CCDC149: variants seen among roughly 807,000 people sequenced by gnomAD.
CCDC149 encodes coiled-coil domain-containing protein 149.
A neutral mutation model predicts 59.9 loss-of-function variants in CCDC149; 45 were observed. The ratio of observed to expected loss-of-function variants is 0.75; its 90% CI spans 0.59 to 0.96. CCDC149 has a LOEUF of 0.96. Ranked by LOEUF, CCDC149 falls within the 40% of genes least tolerant of loss-of-function variation. The pLI, the probability that CCDC149 is intolerant of heterozygous loss-of-function variation, is 0.00. For missense variants in CCDC149, 584 were observed against 664.7 expected (o/e 0.88, Z 1.33); for synonymous variants, 245 against 260.6 (o/e 0.94, Z 0.58).
intron 1 of CCDC149, chr4:24,980,000 G>C (rs1338997998): frequency 1.3e-5 from 2 of 152,158 alleles, no homozygotes; most frequent in East Asian, 3.8e-4. Context: ...TATATAATCT[G>C]TATATAATAT....
At chr4:24,895,908 A>G (rs1257123512) in intron 1 of CCDC149, among the ~76,000 whole-genome samples, 1 of 152,144 alleles carries the variant, frequency 6.6e-6, no homozygotes, top group Non-Finnish European at 1.5e-5. Context: ...GGAATCTAGA[A>G]CCAGACCCCA....
At chr4:24,900,111 T>C (rs1721080452) in intron 1 of CCDC149, among the ~76,000 whole-genome samples, 1 of 152,224 alleles carries the variant, frequency 6.6e-6, no homozygotes, top group African/African-American at 2.4e-5. Flanking sequence ...CTTATCACAA[T>C]GCATATCACA....
chr4:24,904,633 A>C (rs1721367483), intron 1 of CCDC149, among the ~76,000 whole-genome samples: 1 of 152,174 alleles, frequency 6.6e-6, no homozygotes, highest in Admixed American at 6.5e-5. Context: ...TGACTTTACT[A>C]CTTTACAGTT....
intron 1 of CCDC149, among the ~76,000 whole-genome samples, chr4:24,956,172 T>C (rs1723459999): frequency 6.6e-6 from 1 of 152,178 alleles, no homozygotes; most frequent in East Asian, 1.9e-4. Context: ...TTTCTCCTTT[T>C]GCTGCCTTAG....
chr4:24,804,486 C>CAAAA (rs397796144), downstream of CCDC149, among the ~76,000 whole-genome samples: 45 of 56,908 alleles, frequency 7.9e-4, no homozygotes, highest in Non-Finnish European at 1.1e-3. Context: ...GTGAGACTCT[C>CAAAA]AAAAAAAAAA....
chr4:24,866,900 C>A (rs1718738763), intron 3 of CCDC149, among the ~76,000 whole-genome samples: 1 of 151,580 alleles, frequency 6.6e-6, no homozygotes, highest in Non-Finnish European at 1.5e-5. Context: ...GTAAAAATTC[C>A]TAGCTCAATT....
chr4:24,837,359 C>T lies in CCDC149; in HGVS notation c.531G>A (p.Glu177=), dbSNP rs1289240755. The T allele has an allele frequency of 2.5e-6, 4 of 1,614,048 alleles. No homozygotes were observed. The highest frequency in any genetic ancestry group is 2.5e-6 in the Non-Finnish European group (3 of 1,180,034). The change falls in exon 6 of 13, where the codon GAG becomes GAA. Residue 177 remains glutamate (E), a synonymous_variant. Coordinates refer to ENST00000635206, the MANE Select transcript of CCDC149 (RefSeq NM_001330643.2). The surrounding 1 kb of genome is among the most constrained non-coding windows in gnomAD (Gnocchi z 4.3). ...ACCGTTCTTCTTTAACATCCTGAAG[C>T]TCGTCCACAGAAGCCTGCAGGTCGT...
intron 1 of CCDC149, among the ~76,000 whole-genome samples, chr4:24,909,247 G>A (rs556690758): frequency 2.0e-5 from 3 of 152,308 alleles, no homozygotes; most frequent in African/African-American, 7.2e-5. Context: ...AGGGGATCCA[G>A]GGTGGGAGAC....
At chr4:24,942,509 C>A (rs1008113805) in intron 1 of CCDC149, among the ~76,000 whole-genome samples, 24 of 152,312 alleles carry the variant, frequency 1.6e-4, no homozygotes, top group African/African-American at 5.5e-4. Context: ...CCCTCTCTCA[C>A]CACTCCTATT....
intron 1 of CCDC149, among the ~76,000 whole-genome samples, chr4:24,896,972 A>C (rs1720880225): frequency 6.6e-6 from 1 of 152,200 alleles, no homozygotes; most frequent in Non-Finnish European, 1.5e-5. Context: ...TATGCAGGAC[A>C]CTGTGCTGGT....
intron 1 of CCDC149, among the ~76,000 whole-genome samples, chr4:24,948,920 C>A (rs913401498): frequency 2.0e-5 from 3 of 152,196 alleles, no homozygotes; most frequent in African/African-American, 7.2e-5. Context: ...TCTTTGCCAT[C>A]CACTATGTAA....
In CCDC149 at chr4:24,871,556, A is replaced by C. The variant is rs528834614; in HGVS notation, c.264+2125T>G. On this transcript the variant is annotated intron_variant, in intron 3 of 12. Coordinates refer to ENST00000635206, the MANE Select transcript of CCDC149 (RefSeq NM_001330643.2). The stretch of plus-strand genomic sequence containing the variant: ...ATTTAGGGCATGTCAGTACAGAACA[A>C]CTATAAAGTTAAGGAAAGTTCTAAC... 6.6e-5 allele frequency among the ~76,000 whole-genome samples: 10 copies of C among 152,354 alleles called. No homozygotes were observed. The East Asian group carries it at 1.9e-3, about 29-fold the overall frequency.
Position 24,837,149 on chromosome 4 carries a change from G to T in CCDC149, c.662+79C>A. 1 of 1,355,666 alleles carries T rather than the reference G, an allele frequency of 7.4e-7. No homozygotes were observed. Among genetic ancestry groups the T allele is most frequent in the Non-Finnish European group, 1.0e-6 (1 of 986,976 alleles). The allele number at this position is 1,355,666 out of a possible 1,614,324, so 84.0% of individuals were successfully genotyped here. A position where few individuals can be genotyped will look rare whatever the true frequency, so the allele number is the denominator to read the frequency against. ...GGCAATTTTCTCCAAAATAAATAGG[G>T]CTGCAAATAACTCCCAGCCTGCAGG... On this transcript the variant is annotated intron_variant, in intron 6 of 12. Coordinates refer to ENST00000635206, the MANE Select transcript of CCDC149 (RefSeq NM_001330643.2). The surrounding 1 kb of genome is among the most constrained non-coding windows in gnomAD (Gnocchi z 4.3).
chr4:24,933,792 A>T (rs1298711597), intron 1 of CCDC149, among the ~76,000 whole-genome samples: 4 of 152,234 alleles, frequency 2.6e-5, no homozygotes, highest in Admixed American at 2.6e-4. Flanking sequence ...GTAACAAACT[A>T]TCCCAAAATG....
chr4:24,931,967 C>T (rs1444607387), intron 1 of CCDC149, among the ~76,000 whole-genome samples: 1 of 151,548 alleles, frequency 6.6e-6, no homozygotes, highest in Admixed American at 6.6e-5. Flanking sequence ...GAAGTAGCTA[C>T]ACTTTTTGTG....
In CCDC149 at chr4:24,977,125, T is replaced by C. The variant is rs117467618; in HGVS notation, c.-65+2944A>G. The stretch of plus-strand genomic sequence containing the variant: ...GACCACCCTTGATACTGTGTTGCTT[T>C]CATGGTTGCTGGGGTGGACATGGGA... On this transcript the variant is annotated intron_variant, in intron 1 of 12. Transcript: ENST00000389609. Among the ~76,000 whole-genome samples the C allele has an allele frequency of 8.8e-4, 134 of 152,326 alleles. 1 individual carries two copies. In the East Asian group the frequency reaches 0.014, roughly 15 times the overall value.
chr4:24,881,277 G>A (rs1371979190), intron 1 of CCDC149, among the ~76,000 whole-genome samples: 1 of 152,172 alleles, frequency 6.6e-6, no homozygotes, highest in Non-Finnish European at 1.5e-5. Context: ...GTGGCAGGAC[G>A]GTCCATCCCC....
At chr4:24,935,652 C>A (rs1249164362) in intron 1 of CCDC149, among the ~76,000 whole-genome samples, 1 of 152,132 alleles carries the variant, frequency 6.6e-6, no homozygotes. Context: ...AAGCCCTTAC[C>A]AGACACCAAA....
At chr4:24,942,913 G>C (rs1188932159) in intron 1 of CCDC149, among the ~76,000 whole-genome samples, 1 of 151,726 alleles carries the variant, frequency 6.6e-6, no homozygotes, top group Non-Finnish European at 1.5e-5. Flanking sequence ...CAAACAAATG[G>C]AAGAACATTC....
Sources: allele counts gnomAD v4.1 joint callset (sites outside exome capture counted in the v4.1 genomes callset), GRCh38; gene constraint gnomAD v4.1.1; non-coding constraint Gnocchi (gnomAD v3.1); transcripts MANE v1.5; gene names NCBI Gene and HGNC (gene_info 2026-07-23, HGNC 2026-07-21).